ACYP2: variants seen among roughly 807,000 people sequenced by gnomAD.
ACYP2 encodes the protein acylphosphatase-2.
In ACYP2, 12 loss-of-function variants were observed where a neutral mutation model predicts 11.2. That is an observed-to-expected ratio of 1.08 (90% CI 0.69 to 1.74). ACYP2 has a LOEUF of 1.74. ACYP2 is among the 40% of genes most tolerant of loss of function. The pLI, the probability that ACYP2 is intolerant of heterozygous loss-of-function variation, is 0.00. For synonymous variants in ACYP2, 43 were observed against 32.2 expected (o/e 1.33, Z -1.13); for missense variants, 134 against 101.9 (o/e 1.31, Z -1.35).
At chr2:54,276,660 CACCA>C (rs960852508) in intron 6 of ACYP2, among the ~76,000 whole-genome samples, 3 of 139,782 alleles carry the variant, frequency 2.1e-5, no homozygotes, top group African/African-American at 8.7e-5. Flanking sequence ...CACACACACA[CACCA>C]CACACAAGAA....
intron 2 of ACYP2, among the ~76,000 whole-genome samples, chr2:54,018,075 C>T (rs1185877362): frequency 6.6e-6 from 1 of 152,126 alleles, no homozygotes; most frequent in Non-Finnish European, 1.5e-5. Flanking sequence ...ATCTACTGAA[C>T]GTGGGGAGAC....
chr2:54,077,201 T>C (rs916147080), intron 4 of ACYP2, among the ~76,000 whole-genome samples: 9 of 152,178 alleles, frequency 5.9e-5, no homozygotes, highest in African/African-American at 1.4e-4. Flanking sequence ...TTTTTGGAAA[T>C]GGAAGAAGTC....
chr2:53,977,003 T>G (rs1030047371), intron 2 of ACYP2, among the ~76,000 whole-genome samples: 4 of 152,212 alleles, frequency 2.6e-5, no homozygotes, highest in Non-Finnish European at 4.4e-5. Flanking sequence ...CCTTGTAGAA[T>G]TCCTATTAGA....
intron 4 of ACYP2, among the ~76,000 whole-genome samples, chr2:54,118,288 G>A (rs10181332): frequency 0.082 from 12,445 of 152,234 alleles, 606 homozygotes; most frequent in African/African-American, 0.13. Flanking sequence ...TGTAAAATAC[G>A]AAAGTGGTGG....
chr2:53,987,108 C>A (rs1291076150), intron 2 of ACYP2, among the ~76,000 whole-genome samples: 1 of 152,064 alleles, frequency 6.6e-6, no homozygotes, highest in Non-Finnish European at 1.5e-5. Flanking sequence ...TGTATGATTC[C>A]ATTTCTGTGT....
At chr2:54,057,134 T>C (rs1676194479) in intron 3 of ACYP2, 1 of 392,350 alleles carries the variant, frequency 2.5e-6, no homozygotes, top group African/African-American at 2.1e-5. Flanking sequence ...AACCATAAAT[T>C]AGATTGTCTA....
intron 4 of ACYP2, among the ~76,000 whole-genome samples, chr2:54,088,653 A>G (rs1179095456): frequency 6.6e-6 from 1 of 152,204 alleles, no homozygotes; most frequent in Non-Finnish European, 1.5e-5. Flanking sequence ...CCTCTAAATC[A>G]ACTTCCGAAT....
At chr2:54,065,083 CTAAA>C (rs58007169) in intron 4 of ACYP2, among the ~76,000 whole-genome samples, 8,746 of 148,736 alleles carry the variant, frequency 0.059, 801 homozygotes, top group African/African-American at 0.2. Flanking sequence ...GACTCCATCT[CTAAA>C]TAAATAAATA....
intron 6 of ACYP2, among the ~76,000 whole-genome samples, chr2:54,278,675 CT>C (rs1339381912): frequency 5.9e-5 from 9 of 152,028 alleles, no homozygotes; most frequent in African/African-American, 1.7e-4. Context: ...TAACAGCATA[CT>C]TTTTTTTAAA....
At chr2:54,179,039 T>C (rs1269197220) in intron 6 of ACYP2, among the ~76,000 whole-genome samples, 1 of 152,200 alleles carries the variant, frequency 6.6e-6, no homozygotes, top group African/African-American at 2.4e-5. Flanking sequence ...TCTTGGTTCA[T>C]AGACAGCTGT....
intron 4 of ACYP2, among the ~76,000 whole-genome samples, chr2:54,095,722 C>T (rs1259230689): frequency 1.6e-5 from 2 of 122,174 alleles, no homozygotes; most frequent in East Asian, 2.6e-4. Flanking sequence ...TCCTCACTTC[C>T]CAGTAGGGGC....
intron 2 of ACYP2, among the ~76,000 whole-genome samples, chr2:53,995,469 T>A (rs1304924295): frequency 4.8e-5 from 7 of 146,070 alleles, no homozygotes; most frequent in African/African-American, 1.3e-4. Flanking sequence ...TGCTATTATT[T>A]TTTATTTATT....
intron 6 of ACYP2, among the ~76,000 whole-genome samples, chr2:54,141,154 T>C (rs1468991569): frequency 1.3e-5 from 2 of 152,244 alleles, no homozygotes; most frequent in East Asian, 3.8e-4. Flanking sequence ...GCTTGTCTCT[T>C]GCCAATTTTT....
At chr2:54,271,350 T>G (rs1276812210) in intron 6 of ACYP2, among the ~76,000 whole-genome samples, 1 of 152,202 alleles carries the variant, frequency 6.6e-6, no homozygotes, top group Admixed American at 6.5e-5. Flanking sequence ...CTTCCCCAAT[T>G]GCGCCCATAG....
At chr2:54,166,757 T>C (rs993102317) in intron 6 of ACYP2, among the ~76,000 whole-genome samples, 7 of 152,124 alleles carry the variant, frequency 4.6e-5, no homozygotes, top group African/African-American at 1.7e-4. Context: ...CTATAGCAAT[T>C]TGGCTTTTGT....
At chr2:54,122,098 G>C (rs1680191525) in intron 4 of ACYP2, among the ~76,000 whole-genome samples, 1 of 152,174 alleles carries the variant, frequency 6.6e-6, no homozygotes, top group Non-Finnish European at 1.5e-5. Flanking sequence ...GATATTTACA[G>C]TCATTAAGGG....
At chr2:54,094,209 A>T (rs944623647) in intron 4 of ACYP2, among the ~76,000 whole-genome samples, 6 of 151,738 alleles carry the variant, frequency 4.0e-5, no homozygotes, top group African/African-American at 1.5e-4. Context: ...AGAGAAGAAG[A>T]CATGGTGGGG....
intron 6 of ACYP2, among the ~76,000 whole-genome samples, chr2:54,270,540 G>A (rs573580672): frequency 2.0e-5 from 3 of 152,270 alleles, no homozygotes; most frequent in Admixed American, 6.5e-5. Context: ...CTCAGTAGAC[G>A]AGGCTACAGT....
chr2:54,136,536 A>T (rs1260203654), intron 5 of ACYP2, among the ~76,000 whole-genome samples: 2 of 152,124 alleles, frequency 1.3e-5, no homozygotes, highest in Non-Finnish European at 2.9e-5. Flanking sequence ...TTATTATCTA[A>T]TAAGAAAGTG....
Sources: allele counts gnomAD v4.1 joint callset (sites outside exome capture counted in the v4.1 genomes callset), GRCh38; gene constraint gnomAD v4.1.1; transcripts MANE v1.5; gene names NCBI Gene and HGNC (gene_info 2026-07-23, HGNC 2026-07-21).